CDH12: variants seen among roughly 807,000 people sequenced by gnomAD.
The protein encoded by CDH12 is cadherin 12.
In CDH12, 41 loss-of-function variants were observed where a neutral mutation model predicts 74.1. That is an observed-to-expected ratio of 0.55 (90% CI 0.43 to 0.72). CDH12 has a LOEUF of 0.72. Among genes scored for constraint, CDH12 ranks in the 30% least tolerant of loss-of-function variants. CDH12 has a pLI of 0.00. For synonymous variants in CDH12, 399 were observed against 355.0 expected (o/e 1.12, Z -1.39); for missense variants, 945 against 977.2 (o/e 0.97, Z 0.44).
intron 1 of CDH12, among the ~76,000 whole-genome samples, chr5:22,687,142 A>T (rs1410886613): frequency 6.6e-6 from 1 of 152,074 alleles, no homozygotes; most frequent in Non-Finnish European, 1.5e-5. Context: ...AAAAATACAA[A>T]AATTAGCTGG....
At position 22,651,246 on chromosome 5, in the gene CDH12, C is replaced by T. The variant is rs145762951; in HGVS notation, c.-522-145882G>A. Among the ~76,000 whole-genome samples, 871 of 152,112 alleles carry T rather than the reference C, an allele frequency of 5.7e-3. 11 individuals carry two copies. Among genetic ancestry groups the T allele is most frequent in the African/African-American group, 0.019 (807 of 41,492 alleles). On this transcript the variant is annotated intron_variant, in intron 1 of 14. Coordinates refer to ENST00000382254, the MANE Select transcript of CDH12 (RefSeq NM_004061.5). ...CTCCCCAAACCCACACTTCTATATC[C>T]ATTCTCTGCTCTATTTTTCTTCTAT...
At chr5:21,901,709 C>A (rs1463231874) in intron 6 of CDH12, among the ~76,000 whole-genome samples, 1 of 152,020 alleles carries the variant, frequency 6.6e-6, no homozygotes, top group Non-Finnish European at 1.5e-5. Context: ...TATGATTTTC[C>A]AACCACTTTG....
chr5:22,570,135 A>C (rs1739474235), intron 1 of CDH12, among the ~76,000 whole-genome samples: 1 of 151,822 alleles, frequency 6.6e-6, no homozygotes, highest in Non-Finnish European at 1.5e-5. Flanking sequence ...GGCTCACTGC[A>C]ACCTTCACCT....
In CDH12 at chr5:21,947,790, A is replaced by T. The variant is rs983084467; in HGVS notation, c.526+27301T>A. 1.3e-4 allele frequency among the ~76,000 whole-genome samples: 20 copies of T among 152,204 alleles called. 1 individual carries two copies. The highest frequency in any genetic ancestry group is 1.5e-5 in the Non-Finnish European group (1 of 68,040). Reference sequence around the variant, plus strand: ...ACAGACTTCCATGGCAGCCCTTCTCATCACAGACCCAGCGGCCTCTGAGGA... The same window carrying T: ...ACAGACTTCCATGGCAGCCCTTCTCTTCACAGACCCAGCGGCCTCTGAGGA... On this transcript the variant is annotated intron_variant, in intron 6 of 14. Coordinates refer to ENST00000382254, the MANE Select transcript of CDH12 (RefSeq NM_004061.5).
chr5:21,854,618 A>C (rs986809172), intron 7 of CDH12, 53 bp downstream of exon 7: 2 of 1,449,406 alleles, frequency 1.4e-6, no homozygotes, highest in African/African-American at 2.9e-5. Flanking sequence ...ATTTAATTAA[A>C]GTTTAAATAT....
chr5:22,759,373 GT>G lies in CDH12; in HGVS notation c.-523+93684del, dbSNP rs564838323. 1.3e-4 allele frequency among the ~76,000 whole-genome samples: 20 copies of G among 152,134 alleles called. No individual in the cohort carries two copies. The East Asian group carries it at 3.5e-3, about 26-fold the overall frequency. ...TCCTTATGCTAAACAATTTTAGGAG[GT>G]TTTTTTCCTGTTTTGGGGTTAAAAA... On this transcript the variant is annotated intron_variant, in intron 1 of 14. Coordinates refer to ENST00000382254, the MANE Select transcript of CDH12 (RefSeq NM_004061.5).
At chr5:22,607,022 C>T (rs1305373765) in intron 1 of CDH12, among the ~76,000 whole-genome samples, 3 of 152,086 alleles carry the variant, frequency 2.0e-5, no homozygotes, top group Non-Finnish European at 4.4e-5. Context: ...TGGCTTTTTG[C>T]CCCTACCCTA....
intron 1 of CDH12, among the ~76,000 whole-genome samples, chr5:22,611,009 C>A (rs552769837): frequency 4.9e-4 from 74 of 152,238 alleles, no homozygotes; most frequent in African/African-American, 1.7e-3. Flanking sequence ...TTACTTTAAT[C>A]TGTGGTATTC....
intron 2 of CDH12, among the ~76,000 whole-genome samples, chr5:22,467,015 G>A (rs544766022): frequency 2.2e-3 from 109 of 50,396 alleles, no homozygotes; most frequent in African/African-American, 7.7e-3. Context: ...TCTGGATCTC[G>A]ACCTCGTGAT....
intron 1 of CDH12, among the ~76,000 whole-genome samples, chr5:22,787,449 T>C (rs1747694449): frequency 6.6e-6 from 1 of 152,162 alleles, no homozygotes; most frequent in South Asian, 2.1e-4. Context: ...ACAGAATCTT[T>C]CCCTTTTATG....
chr5:22,262,008 A>G (rs371848078), intron 3 of CDH12, among the ~76,000 whole-genome samples: 2 of 152,086 alleles, frequency 1.3e-5, no homozygotes, highest in East Asian at 3.8e-4. Context: ...TACGATACAA[A>G]TCTCAGAAAT....
intron 2 of CDH12, among the ~76,000 whole-genome samples, chr5:22,490,898 T>C (rs974263145): frequency 7.2e-5 from 11 of 152,200 alleles, no homozygotes. Flanking sequence ...GGAAGCACAA[T>C]TCTGTTCAAT....
chr5:22,209,555 G>T (rs1375469008), intron 4 of CDH12, among the ~76,000 whole-genome samples: 1 of 151,196 alleles, frequency 6.6e-6, no homozygotes, highest in East Asian at 2.0e-4. Flanking sequence ...ACCTCTCTTG[G>T]AAAGATGTAT....
At chr5:21,819,935 T>G (rs1748273414) in intron 8 of CDH12, among the ~76,000 whole-genome samples, 1 of 151,968 alleles carries the variant, frequency 6.6e-6, no homozygotes, top group African/African-American at 2.4e-5. Flanking sequence ...CATATTAGGT[T>G]TATGAGTTAG....
chr5:21,768,901 C>T (rs1745170200), intron 11 of CDH12, among the ~76,000 whole-genome samples: 1 of 151,834 alleles, frequency 6.6e-6, no homozygotes, highest in South Asian at 2.1e-4. Flanking sequence ...CGAATTAATT[C>T]CAGCAGCAAG....
At chr5:22,469,444 C>G (rs925919832) in intron 2 of CDH12, among the ~76,000 whole-genome samples, 1 of 152,096 alleles carries the variant, frequency 6.6e-6, no homozygotes, top group Non-Finnish European at 1.5e-5. Flanking sequence ...TTAAAATCAC[C>G]TTCCAGTTAA....
At chr5:21,896,291 A>C (rs528783718) in intron 6 of CDH12, among the ~76,000 whole-genome samples, 75 of 152,286 alleles carry the variant, frequency 4.9e-4, no homozygotes, top group African/African-American at 1.8e-3. Context: ...CTTATAAACC[A>C]ATTTGTTTCA....
chr5:21,865,717 TG>T (rs1204073623), intron 6 of CDH12, among the ~76,000 whole-genome samples: 8 of 152,228 alleles, frequency 5.3e-5, no homozygotes, highest in Admixed American at 4.6e-4. Flanking sequence ...GTGAGTGGGC[TG>T]TAAGATCATG....
chr5:22,849,501 A>C (rs1737453160), intron 1 of CDH12, among the ~76,000 whole-genome samples: 1 of 152,140 alleles, frequency 6.6e-6, no homozygotes, highest in South Asian at 2.1e-4. Flanking sequence ...TAAATACACT[A>C]CCTGTGTCCT....
Sources: gnomAD v4.1 joint callset for allele counts (sites outside exome capture counted in the v4.1 genomes callset) on GRCh38, gnomAD v4.1.1 for gene constraint, MANE v1.5 for transcripts, NCBI Gene and HGNC (gene_info 2026-07-23, HGNC 2026-07-21) for gene names.